The following HSP90AA1 variants were observed in gnomAD, a reference collection of about 807,000 sequenced individuals.
HSP90AA1 encodes the protein heat shock protein 90 alpha family class A member 1, also known as heat shock protein HSP 90-alpha.
Under a neutral mutation model 73.3 loss-of-function variants are expected in HSP90AA1, and 18 were observed. That is an observed-to-expected ratio of 0.25 (90% CI 0.17 to 0.36). The LOEUF is 0.36. Ranked by LOEUF, HSP90AA1 falls within the 10% of genes least tolerant of loss-of-function variation. The probability of loss-of-function intolerance (pLI) is 1.00; values close to 1 mark genes in which losing one functional copy is unlikely to be tolerated. For missense variants in HSP90AA1, 704 were observed against 874.2 expected (o/e 0.81, Z 2.45); for synonymous variants, 477 against 296.9 (o/e 1.61, Z -6.24).
At chr14:102,101,465 G>A (rs1215900551) in intron 2 of HSP90AA1, among the ~76,000 whole-genome samples, 2 of 152,128 alleles carry the variant, frequency 1.3e-5, no homozygotes, top group African/African-American at 2.4e-5. Context: ...CCCACTGCCC[G>A]CTTCTTCACG....
intron 1 of HSP90AA1, among the ~76,000 whole-genome samples, chr14:102,103,612 T>C (rs891906233): frequency 1.3e-5 from 2 of 152,026 alleles, no homozygotes; most frequent in African/African-American, 4.8e-5. Flanking sequence ...GAGACCAGTC[T>C]GGCCAACATG....
At chr14:102,090,824 C>G (rs991836630), upstream of HSP90AA1, among the ~76,000 whole-genome samples, 1 of 152,246 alleles carries the variant, frequency 6.6e-6, no homozygotes. Flanking sequence ...CCTCGTCCCA[C>G]AGTGATGTTG....
At chr14:102,087,539 C>T (rs2049276886), upstream of HSP90AA1, among the ~76,000 whole-genome samples, 2 of 152,060 alleles carry the variant, frequency 1.3e-5, no homozygotes, top group Admixed American at 6.5e-5. Flanking sequence ...GTCTCACGCG[C>T]CCGGGAGACT....
At chr14:102,136,111 G>A (rs117181658) in intron 1 of HSP90AA1, among the ~76,000 whole-genome samples, 2 of 152,196 alleles carry the variant, frequency 1.3e-5, no homozygotes, top group Non-Finnish European at 2.9e-5. Flanking sequence ...TCAAATAATT[G>A]AAAGTTTTTG....
chr14:102,109,460 G>A (rs2049611260), intron 1 of HSP90AA1, among the ~76,000 whole-genome samples: 2 of 152,174 alleles, frequency 1.3e-5, no homozygotes, highest in African/African-American at 4.8e-5. Context: ...AGGCTCACAA[G>A]ATCTGATGGT....
At chr14:102,122,885 C>A (rs1417233693) in intron 1 of HSP90AA1, among the ~76,000 whole-genome samples, 1 of 149,518 alleles carries the variant, frequency 6.7e-6, no homozygotes, top group Non-Finnish European at 1.5e-5. Context: ...CCAGGCTGGT[C>A]TCGAACTCCT....
At chr14:102,131,275 CCTT>C (rs560658159) in intron 1 of HSP90AA1, among the ~76,000 whole-genome samples, 103 of 152,184 alleles carry the variant, frequency 6.8e-4, no homozygotes, top group Admixed American at 1.6e-3. Context: ...ATTCCTGACT[CCTT>C]CATTTCTCCC....
intron 2 of HSP90AA1, among the ~76,000 whole-genome samples, chr14:102,099,141 A>G (rs2049462323): frequency 6.6e-6 from 1 of 152,266 alleles, no homozygotes; most frequent in Non-Finnish European, 1.5e-5. Context: ...TAAGGGATAT[A>G]TAATAGCCAA....
At chr14:102,084,054 A>T (rs2049161190) in intron 6 of HSP90AA1, 71 bp from the exon 7 acceptor site, 6 of 1,143,566 alleles carry the variant, frequency 5.2e-6, no homozygotes, top group Non-Finnish European at 7.9e-6. Flanking sequence ...AACTCCCAAA[A>T]TCAAAGATAA....
intron 3 of HSP90AA1, 88 bp from the exon 4 acceptor site, chr14:102,085,519 C>G: frequency 7.2e-7 from 1 of 1,383,292 alleles, no homozygotes. Context: ...GTCTATAAAG[C>G]AAGGTTTGCC....
At chr14:102,097,695 G>T (rs1308433852) in intron 2 of HSP90AA1, among the ~76,000 whole-genome samples, 1 of 152,238 alleles carries the variant, frequency 6.6e-6, no homozygotes, top group South Asian at 2.1e-4. Context: ...CAGATGTGAT[G>T]TTCCTGCCTG....
chr14:102,099,985 A>G (rs908882476), intron 2 of HSP90AA1, among the ~76,000 whole-genome samples: 1 of 152,120 alleles, frequency 6.6e-6, no homozygotes, highest in African/African-American at 2.4e-5. Context: ...CCGGGAGTTC[A>G]AGACCAGCCT....
intron 1 of HSP90AA1, among the ~76,000 whole-genome samples, chr14:102,102,856 T>C (rs1384652043): frequency 1.3e-5 from 2 of 151,664 alleles, no homozygotes; most frequent in Non-Finnish European, 2.9e-5. Flanking sequence ...GGCAACATAG[T>C]AAGACCCCCC....
At chr14:102,087,084 C>T (rs2049262471), upstream of HSP90AA1, 1 of 984,222 alleles carries the variant, frequency 1.0e-6, no homozygotes, top group Non-Finnish European at 1.2e-6. Flanking sequence ...AGCGACGGGC[C>T]CGCCCAGCGC....
intron 2 of HSP90AA1, among the ~76,000 whole-genome samples, chr14:102,097,548 TC>T (rs1364042863): frequency 2.6e-5 from 4 of 151,698 alleles, no homozygotes; most frequent in Non-Finnish European, 5.9e-5. Context: ...GGCCTTTGAG[TC>T]CCCCCAAGGG....
chr14:102,123,707 G>C (rs1488003933), intron 1 of HSP90AA1, among the ~76,000 whole-genome samples: 2 of 152,024 alleles, frequency 1.3e-5, no homozygotes, highest in African/African-American at 4.8e-5. Flanking sequence ...TATATTCAGA[G>C]AAACTGTGTG....
At chr14:102,134,654 G>A (rs182798664) in intron 1 of HSP90AA1, among the ~76,000 whole-genome samples, 217 of 152,222 alleles carry the variant, frequency 1.4e-3, no homozygotes, top group African/African-American at 5.2e-3. Flanking sequence ...CACGTCTGGA[G>A]TTGTTCGTTC....
At chr14:102,083,436 T>TAG in intron 8 of HSP90AA1, 110 bp downstream of exon 8, 1 of 1,410,334 alleles carries the variant, frequency 7.1e-7, no homozygotes, top group Non-Finnish European at 1.0e-6. Context: ...TTAATTATCT[T>TAG]GCCTAGATCA....
At chr14:102,104,596 G>C (rs1458997119) in intron 1 of HSP90AA1, among the ~76,000 whole-genome samples, 1 of 152,014 alleles carries the variant, frequency 6.6e-6, no homozygotes, top group Non-Finnish European at 1.5e-5. Context: ...ATTTTTCTTT[G>C]TGCTGAGAAC....
Sources: allele counts gnomAD v4.1 joint callset (sites outside exome capture counted in the v4.1 genomes callset), GRCh38; gene constraint gnomAD v4.1.1; transcripts MANE v1.5; gene names NCBI Gene and HGNC (gene_info 2026-07-23, HGNC 2026-07-21).